NRXN3: variants seen among roughly 807,000 people sequenced by gnomAD.
The protein encoded by NRXN3 is neurexin III.
Under a neutral mutation model 137.6 loss-of-function variants are expected in NRXN3, and 32 were observed. The observed-to-expected ratio is 0.23, with a 90% CI of 0.18 to 0.31. NRXN3 has a LOEUF of 0.31. Among genes scored for constraint, NRXN3 ranks in the 10% least tolerant of loss-of-function variants. The pLI is 1.00. For synonymous variants in NRXN3, 798 were observed against 784.5 expected (o/e 1.02, Z -0.29); for missense variants, 1,574 against 2,062.5 (o/e 0.76, Z 4.59).
At chr14:78,778,746 CTTT>C (rs2098755251) in intron 8 of NRXN3, among the ~76,000 whole-genome samples, 1 of 120,524 alleles carries the variant, frequency 8.3e-6, no homozygotes, top group African/African-American at 3.3e-5. Flanking sequence ...CTCTTTCTTT[CTTT>C]CCTTCTTTCT....
chr14:79,418,252 C>T (rs2095525914), intron 15 of NRXN3, among the ~76,000 whole-genome samples: 1 of 152,038 alleles, frequency 6.6e-6, no homozygotes, highest in South Asian at 2.1e-4. Context: ...GCTGACCTTA[C>T]TGTTTTCAGT....
chr14:79,403,896 T>G (rs2095258867), intron 15 of NRXN3, among the ~76,000 whole-genome samples: 1 of 152,138 alleles, frequency 6.6e-6, no homozygotes, highest in East Asian at 1.9e-4. Context: ...AATGAAAAAT[T>G]TTTCTTTGCT....
chr14:78,706,811 A>G (rs1425937966), intron 6 of NRXN3, among the ~76,000 whole-genome samples: 2 of 152,204 alleles, frequency 1.3e-5, no homozygotes, highest in South Asian at 2.1e-4. Flanking sequence ...ATGCTTCGCC[A>G]TAGTTATATA....
chr14:78,998,479 G>T (rs995869852), intron 15 of NRXN3, among the ~76,000 whole-genome samples: 7 of 152,172 alleles, frequency 4.6e-5, no homozygotes, highest in African/African-American at 1.7e-4. Context: ...TGTAGTCAAA[G>T]AACCTTCTTG....
At chr14:79,682,601 G>A (rs931199217) in intron 17 of NRXN3, among the ~76,000 whole-genome samples, 4 of 151,918 alleles carry the variant, frequency 2.6e-5, no homozygotes, top group Non-Finnish European at 5.9e-5. Flanking sequence ...TTAACTTTAC[G>A]GGGAGAAAGT....
In NRXN3 at chr14:79,549,960, G is replaced by GTTTTTGTTTGTT. The variant is rs10699647; in HGVS notation, c.3444+82559_3444+82560insTTTTGTTTGTTT. Among the ~76,000 whole-genome samples, 5 of 134,536 alleles carry GTTTTTGTTTGTT rather than the reference G, an allele frequency of 3.7e-5. No individual in the cohort carries two copies. The East Asian group carries it at 7.9e-4, about 21-fold the overall frequency. 88.3% of individuals were successfully genotyped at this position (134,536 alleles called of 152,430 possible). On this transcript the variant is annotated intron_variant, in intron 16 of 20. Transcript: ENST00000335750. Reference sequence around the variant, plus strand: ...TACAGGTTACTTCTCATATTGTTGGGTGTTTGTTTGTTTGTTAGTTTGTTT... The same window carrying GTTTTTGTTTGTT: ...TACAGGTTACTTCTCATATTGTTGGGTTTTTGTTTGTTTGTTTGTTTGTTTGTTAGTTTGTTT...
chr14:78,762,133 A>C (rs2098694352), intron 8 of NRXN3, among the ~76,000 whole-genome samples: 1 of 152,160 alleles, frequency 6.6e-6, no homozygotes, highest in African/African-American at 2.4e-5. Flanking sequence ...GCAGTGATTC[A>C]CAAAGGTCTG....
chr14:79,032,270 A>G (rs897513089), intron 15 of NRXN3, among the ~76,000 whole-genome samples: 79 of 152,176 alleles, frequency 5.2e-4, no homozygotes, highest in Non-Finnish European at 4.4e-5. Context: ...ATTGAATTCA[A>G]TTACATTCAA....
At chr14:78,921,213 G>A (rs1335195809) in intron 10 of NRXN3, among the ~76,000 whole-genome samples, 1 of 152,130 alleles carries the variant, frequency 6.6e-6, no homozygotes, top group African/African-American at 2.4e-5. Context: ...CAGGAAGCTG[G>A]GAGAAAGATT....
intron 19 of NRXN3, among the ~76,000 whole-genome samples, chr14:79,749,523 T>C (rs2098990552): frequency 6.6e-6 from 1 of 151,432 alleles, no homozygotes; most frequent in Non-Finnish European, 1.5e-5. Flanking sequence ...AGCCTTGGCC[T>C]CCCAAAAATC....
intron 15 of NRXN3, among the ~76,000 whole-genome samples, chr14:79,038,709 C>A (rs906288041): frequency 1.3e-5 from 2 of 152,048 alleles, no homozygotes; most frequent in Non-Finnish European, 2.9e-5. Flanking sequence ...TTTCTTTGAG[C>A]TTTAGACTTT....
intron 10 of NRXN3, among the ~76,000 whole-genome samples, chr14:78,897,378 A>T (rs2099180414): frequency 6.6e-6 from 1 of 151,744 alleles, no homozygotes; most frequent in African/African-American, 2.4e-5. Flanking sequence ...TTTTGACAAG[A>T]CCAATGTGAA....
Position 78,803,792 on chromosome 14 carries a change from T to C in NRXN3, c.2217T>C (p.Asp739=), listed in dbSNP as rs769877309. ...CCGACACCCTGCGTCTGGAGCTGGATGGGGGGCGTGTCAAGCTCATGGTTA... is the reference window on the plus strand; with the variant it reads ...CCGACACCCTGCGTCTGGAGCTGGACGGGGGGCGTGTCAAGCTCATGGTTA... ...DSADTLRLEL[D]GGRVKLMVNL... is the part of the protein sequence containing the mutation. Residue 739 remains aspartate, a synonymous_variant, in exon 9 of 21, where the codon GAT becomes GAC. Transcript: ENST00000335750. 9.9e-6 allele frequency: 16 copies of C among 1,613,810 alleles called. No homozygotes were observed. Among genetic ancestry groups the C allele is most frequent in the South Asian group, 4.4e-5 (4 of 91,070 alleles).
intron 10 of NRXN3, among the ~76,000 whole-genome samples, chr14:78,890,506 A>G (rs367593277): frequency 2.0e-5 from 3 of 151,826 alleles, no homozygotes; most frequent in Non-Finnish European, 4.4e-5. Flanking sequence ...TCATGGACCA[A>G]TGTTCTCCCA....
chr14:78,743,713 G>T (rs2098593538), intron 8 of NRXN3, among the ~76,000 whole-genome samples: 1 of 152,194 alleles, frequency 6.6e-6, no homozygotes, highest in South Asian at 2.1e-4. Flanking sequence ...GCAAAGGAGA[G>T]AAGAAAAGCA....
In NRXN3 at chr14:78,709,671, A is replaced by G. The variant is rs1340362670; in HGVS notation, c.1660+16A>G. On this transcript the variant is annotated intron_variant, in intron 7 of 20. Coordinates refer to ENST00000335750, the MANE Select transcript of NRXN3 (RefSeq NM_001330195.2). ...GGCAGATCAGGTAGGAAGAGGCAGG[A>G]TGTGTGACTGAGACTAGACGAAAGC... is the stretch of plus-strand genomic sequence containing the variant. 1.3e-6 allele frequency: 2 copies of G among 1,599,586 alleles called. No homozygotes were observed. Among genetic ancestry groups the G allele is most frequent in the Admixed American group, 1.7e-5 (1 of 59,402 alleles).
intron 8 of NRXN3, 119 bp from the exon 9 acceptor site, chr14:78,803,501 C>T (rs1271983458): frequency 1.1e-6 from 1 of 883,214 alleles, no homozygotes. Context: ...GTTCATCAAA[C>T]ACAAGTCACT....
intron 15 of NRXN3, among the ~76,000 whole-genome samples, chr14:79,231,914 G>A (rs551420475): frequency 3.3e-5 from 5 of 152,280 alleles, no homozygotes; most frequent in African/African-American, 4.8e-5. Context: ...GGTGATAGGA[G>A]AGGGAAGTTG....
At chr14:79,378,524 A>G (rs1462889584) in intron 15 of NRXN3, among the ~76,000 whole-genome samples, 1 of 152,218 alleles carries the variant, frequency 6.6e-6, no homozygotes, top group Non-Finnish European at 1.5e-5. Flanking sequence ...AATAATGCAG[A>G]TAGAAGAGTC....
Sources: allele counts gnomAD v4.1 joint callset (sites outside exome capture counted in the v4.1 genomes callset), GRCh38; gene constraint gnomAD v4.1.1; transcripts MANE v1.5; gene names NCBI Gene and HGNC (gene_info 2026-07-23, HGNC 2026-07-21).